Variants in CTNNA3 observed in about 807,000 individuals in gnomAD.
CTNNA3 encodes the protein catenin alpha-3.
In CTNNA3, 76 loss-of-function variants were observed where a neutral mutation model predicts 95.7. The observed-to-expected ratio is 0.79, with a 90% CI of 0.66 to 0.96. CTNNA3 has a LOEUF of 0.96. CTNNA3 is among the 40% of genes least tolerant of loss of function. The probability of loss-of-function intolerance (pLI) is 0.00; values close to 1 mark genes in which losing one functional copy is unlikely to be tolerated. For missense variants in CTNNA3, 1,191 were observed against 1,089.8 expected (o/e 1.09, Z -1.31); for synonymous variants, 431 against 374.4 (o/e 1.15, Z -1.74).
At chr10:66,461,037 G>A (rs956905479) in intron 11 of CTNNA3, among the ~76,000 whole-genome samples, 2 of 152,230 alleles carry the variant, frequency 1.3e-5, no homozygotes, top group East Asian at 3.9e-4. Context: ...CTCTACTTAT[G>A]GTTGAAGTAA....
intron 15 of CTNNA3, among the ~76,000 whole-genome samples, chr10:66,029,830 GTT>G (rs1247511695): frequency 6.6e-6 from 1 of 152,138 alleles, no homozygotes; most frequent in African/African-American, 2.4e-5. Flanking sequence ...AAATGAAGAA[GTT>G]CTTCATGAGT....
chr10:67,313,073 A>G (rs1427046608), intron 5 of CTNNA3, among the ~76,000 whole-genome samples: 5 of 152,176 alleles, frequency 3.3e-5, no homozygotes. Context: ...ATAAATGCAC[A>G]TCTATTATAA....
intron 5 of CTNNA3, among the ~76,000 whole-genome samples, chr10:67,299,613 G>A (rs935504310): frequency 6.6e-5 from 10 of 152,148 alleles, no homozygotes; most frequent in African/African-American, 2.4e-4. Flanking sequence ...TCCCCATATG[G>A]GGTTTTAGTG....
intron 5 of CTNNA3, among the ~76,000 whole-genome samples, chr10:67,499,666 C>T (rs1053442974): frequency 7.2e-5 from 11 of 151,806 alleles, no homozygotes; most frequent in Non-Finnish European, 1.0e-4. Context: ...CTTGGGAGGG[C>T]GTATGTGTTG....
At chr10:67,294,105 G>C (rs1389391975) in intron 5 of CTNNA3, among the ~76,000 whole-genome samples, 4 of 152,070 alleles carry the variant, frequency 2.6e-5, no homozygotes, top group Non-Finnish European at 5.9e-5. Context: ...TATTTGGAAG[G>C]CTTTTTCATC....
intron 2 of CTNNA3, 116 bp downstream of exon 2, chr10:67,647,299 T>C (rs1839745902): frequency 5.7e-6 from 4 of 697,978 alleles, no homozygotes; most frequent in Admixed American, 3.2e-5. Flanking sequence ...AGGACAATTT[T>C]AGATGACATA....
At chr10:66,068,279 A>C (rs767675379) in intron 15 of CTNNA3, among the ~76,000 whole-genome samples, 1 of 152,070 alleles carries the variant, frequency 6.6e-6, no homozygotes, top group Non-Finnish European at 1.5e-5. Flanking sequence ...TTATGTCTGC[A>C]AGTATTCTTT....
At chr10:67,270,099 C>G (rs1050568433) in intron 5 of CTNNA3, among the ~76,000 whole-genome samples, 1 of 143,128 alleles carries the variant, frequency 7.0e-6, no homozygotes, top group Non-Finnish European at 1.5e-5. Flanking sequence ...AAAGGAAGAA[C>G]AGCTGGATAA....
intron 9 of CTNNA3, among the ~76,000 whole-genome samples, chr10:66,683,438 C>T (rs1167112960): frequency 1.3e-5 from 2 of 152,000 alleles, no homozygotes; most frequent in African/African-American, 4.8e-5. Context: ...TAATGCTCTC[C>T]CAAAGGAAGT....
chr10:67,607,100 A>G (rs1350169444), intron 2 of CTNNA3, 51 bp from the exon 3 acceptor site: 1 of 1,410,426 alleles, frequency 7.1e-7, no homozygotes, highest in Non-Finnish European at 9.8e-7. Context: ...TAAGGAGAAC[A>G]CAGTCCTGGG....
At chr10:66,492,295 T>C (rs1161118241) in intron 11 of CTNNA3, among the ~76,000 whole-genome samples, 1 of 152,150 alleles carries the variant, frequency 6.6e-6, no homozygotes, top group Admixed American at 6.5e-5. Context: ...CTTTTTGTTT[T>C]TGTTTTGAGA....
intron 10 of CTNNA3, among the ~76,000 whole-genome samples, chr10:66,583,869 T>C (rs559153302): frequency 3.6e-4 from 55 of 152,074 alleles, no homozygotes; most frequent in African/African-American, 1.3e-3. Context: ...GAGGTTTTGA[T>C]AACTTGTGTC....
At chr10:67,581,814 C>T (rs1383285834) in intron 3 of CTNNA3, among the ~76,000 whole-genome samples, 2 of 152,086 alleles carry the variant, frequency 1.3e-5, no homozygotes, top group Non-Finnish European at 2.9e-5. Context: ...AGGAATTTAT[C>T]CATTTCTTTG....
intron 15 of CTNNA3, among the ~76,000 whole-genome samples, chr10:66,064,228 C>A (rs1437668762): frequency 6.6e-6 from 1 of 152,118 alleles, no homozygotes; most frequent in Admixed American, 6.5e-5. Flanking sequence ...CGCTCACTAT[C>A]ACGTGAACAG....
At chr10:66,618,336 C>G (rs1243875101) in intron 10 of CTNNA3, among the ~76,000 whole-genome samples, 1 of 152,058 alleles carries the variant, frequency 6.6e-6, no homozygotes, top group Non-Finnish European at 1.5e-5. Context: ...GTAACCAAAA[C>G]AGCAAGGTAC....
chr10:66,783,647 GC>G (rs5785787), intron 7 of CTNNA3, among the ~76,000 whole-genome samples: 78,568 of 151,866 alleles, frequency 0.52, 21,420 homozygotes, highest in East Asian at 0.72. Context: ...AGCTCATATG[GC>G]AACGACTTTG....
At chr10:66,801,345 T>C (rs1362481815) in intron 7 of CTNNA3, among the ~76,000 whole-genome samples, 2 of 151,318 alleles carry the variant, frequency 1.3e-5, no homozygotes, top group Non-Finnish European at 3.0e-5. Flanking sequence ...AAACGGATAA[T>C]GGAATTTACA....
chr10:66,378,969 A>G (rs1396765853), intron 12 of CTNNA3, among the ~76,000 whole-genome samples, 183 bp downstream of exon 12: 2 of 152,224 alleles, frequency 1.3e-5, no homozygotes, highest in African/African-American at 4.8e-5. Flanking sequence ...CTTTTTACCA[A>G]TGAATATATT....
intron 9 of CTNNA3, among the ~76,000 whole-genome samples, chr10:66,651,018 T>C (rs1169848815): frequency 1.3e-5 from 2 of 152,142 alleles, no homozygotes; most frequent in Non-Finnish European, 1.5e-5. Context: ...AGAGAGCTGA[T>C]TGGTCTGTTT....
Sources: allele counts gnomAD v4.1 joint callset (sites outside exome capture counted in the v4.1 genomes callset), GRCh38; gene constraint gnomAD v4.1.1; transcripts MANE v1.5; gene names NCBI Gene and HGNC (gene_info 2026-07-23, HGNC 2026-07-21).